Variants in BPTF observed in about 807,000 individuals in gnomAD.
BPTF encodes the protein bromodomain PHD finger transcription factor.
A neutral mutation model predicts 292.5 loss-of-function variants in BPTF; 18 were observed. That is an observed-to-expected ratio of 0.06 (90% CI 0.04 to 0.09). BPTF has a LOEUF of 0.09. Among genes scored for constraint, BPTF ranks in the 10% least tolerant of loss-of-function variants. BPTF has a pLI of 1.00. For synonymous variants in BPTF, 1,225 were observed against 1,251.9 expected (o/e 0.98, Z 0.45); for missense variants, 2,726 against 3,498.7 (o/e 0.78, Z 5.57).
At chr17:67,925,051 G>GTTTT (rs59056539) in intron 15 of BPTF, among the ~76,000 whole-genome samples, 2 of 126,132 alleles carry the variant, frequency 1.6e-5, no homozygotes, top group East Asian at 2.3e-4. Flanking sequence ...ACCCATCCAG[G>GTTTT]TTTTTTTTTT....
rs782686284 is a variant in BPTF, at chr17:67,959,576, A to G, written c.7962A>G (p.Glu2654=). The change falls in exon 24 of 28, where the codon GAA becomes GAG. Residue 2654 remains glutamate (E), a synonymous_variant. Coordinates refer to ENST00000306378, the MANE Select transcript of BPTF (RefSeq NM_182641.4). The part of the protein sequence containing the change: ...ELKRDLKIKK[E]KDLMQLAQAT... ...AGAGAGACCTGAAAATTAAGAAAGA[A>G]AAAGACCTGATGCAGTTGGCTCAGG... The G allele has an allele frequency of 5.2e-6, 8 of 1,531,856 alleles. No individual in the cohort carries two copies. The African/African-American group carries it at 1.1e-4, about 21-fold the overall frequency. The allele number at this position is 1,531,856 out of a possible 1,614,324, so 94.9% of individuals were successfully genotyped here.
At chr17:67,934,870 C>CAAA (rs569120237) in intron 18 of BPTF, among the ~76,000 whole-genome samples, 5,942 of 90,660 alleles carry the variant, frequency 0.066, 485 homozygotes, top group Non-Finnish European at 0.086. Context: ...AACTCTGTCT[C>CAAA]AAAAAAAAAA....
intron 1 of BPTF, among the ~76,000 whole-genome samples, chr17:67,836,764 T>A (rs1016817289): frequency 6.6e-6 from 1 of 152,238 alleles, no homozygotes; most frequent in African/African-American, 2.4e-5. Flanking sequence ...GCAAAATTAT[T>A]TCACACACTT....
Position 67,911,934 on chromosome 17 carries a change from G to T in BPTF, c.4050G>T (p.Pro1350=), listed in dbSNP as rs772759476. The change falls in exon 11 of 28, where the codon CCG becomes CCT. Residue 1350 remains proline, a synonymous_variant. Coordinates refer to ENST00000306378, the MANE Select transcript of BPTF (RefSeq NM_182641.4). ...ESTGNCEDRL[P]VKGTEANGKK... Reference sequence around the variant, plus strand: ...CTGGAAACTGTGAGGACAGGCTGCCGGTCAAGGGGACTGAAGCAAATGGTA... The same window carrying T: ...CTGGAAACTGTGAGGACAGGCTGCCTGTCAAGGGGACTGAAGCAAATGGTA... 1 of 1,614,018 alleles carries T rather than the reference G, an allele frequency of 6.2e-7. No individual in the cohort carries two copies. The highest frequency in any genetic ancestry group is 8.5e-7 in the Non-Finnish European group (1 of 1,180,020).
chr17:67,909,903 C>A, intron 10 of BPTF, 142 bp downstream of exon 10: 1 of 620,172 alleles, frequency 1.6e-6, no homozygotes, highest in African/African-American at 1.9e-5. Context: ...ACAATTCACC[C>A]AATTAAAGTG....
chr17:67,940,512 G>C lies in BPTF; in HGVS notation c.6333G>C (p.Thr2111=), dbSNP rs550599474. Residue 2111 remains threonine, a synonymous_variant, in exon 19 of 28, where the codon ACG becomes ACC. Transcript: ENST00000306378. ...CCACTGCAGTCTCCGCCCCTAACAC[G>C]GTTTCCTCAACACCTGGGCAGAAAA... is the stretch of plus-strand genomic sequence containing the variant. ...PVSTAVSAPN[T]VSSTPGQKSL... 7 of 1,613,994 alleles carry C rather than the reference G, an allele frequency of 4.3e-6. No individual in the cohort carries two copies. The highest frequency in any genetic ancestry group is 5.9e-6 in the Non-Finnish European group (7 of 1,180,004).
At chr17:67,844,058 C>G (rs944636606) in intron 1 of BPTF, among the ~76,000 whole-genome samples, 24 of 137,378 alleles carry the variant, frequency 1.7e-4, no homozygotes, top group African/African-American at 7.6e-4. Flanking sequence ...AGCCACCGTG[C>G]CCGGCCCCCG....
In BPTF at chr17:67,918,837, A is replaced by G; in HGVS notation, c.5427A>G (p.Thr1809=). The G allele has an allele frequency of 6.2e-7, 1 of 1,612,934 alleles. No individual in the cohort carries two copies. The highest frequency in any genetic ancestry group is 8.5e-7 in the Non-Finnish European group (1 of 1,179,184). The part of the protein sequence containing the change: ...KAPPGGGTTR[T]ETSETEITTT... ...CTCCAGGAGGAGGGACTACACGGAC[A>G]GGTAAGGGGGAAGGGAGTTATTTTC... The change falls in exon 12 of 28, where the codon ACA becomes ACG. Residue 1809 remains threonine (T), a splice_region_variant and synonymous_variant. Transcript: ENST00000306378.
Position 67,904,399 on chromosome 17 carries a change from A to G in BPTF, c.2674-303A>G, listed in dbSNP as rs1333362388. Among the ~76,000 whole-genome samples, 6 of 152,230 alleles carry G rather than the reference A, an allele frequency of 3.9e-5. No homozygotes were observed. In the South Asian group the frequency reaches 8.3e-4, roughly 21 times the overall value. On this transcript the variant is annotated intron_variant, in intron 8 of 27. Transcript: ENST00000306378. Reference sequence around the variant, plus strand: ...CATCTTCCTGGCAAATTTACAAAGCATTGGTTTATCTTAGAATATTGGAGG... The same window carrying G: ...CATCTTCCTGGCAAATTTACAAAGCGTTGGTTTATCTTAGAATATTGGAGG...
At chr17:67,871,220 A>G (rs893931962) in intron 3 of BPTF, among the ~76,000 whole-genome samples, 1 of 152,066 alleles carries the variant, frequency 6.6e-6, no homozygotes, top group Non-Finnish European at 1.5e-5. Context: ...AATGTACACA[A>G]AAGTTGAAAG....
chr17:67,851,166 T>C (rs2058373655), intron 1 of BPTF, among the ~76,000 whole-genome samples: 1 of 152,142 alleles, frequency 6.6e-6, no homozygotes, highest in Non-Finnish European at 1.5e-5. Flanking sequence ...TCTGGGACCC[T>C]AGCTCTTTTT....
intron 23 of BPTF, among the ~76,000 whole-genome samples, chr17:67,954,045 G>A (rs563085756): frequency 5.1e-5 from 6 of 118,386 alleles, no homozygotes; most frequent in East Asian, 5.0e-4. Context: ...GGAGTGCAGC[G>A]GTGCAATCAC....
chr17:67,931,162 G>A (rs1271775162), intron 17 of BPTF, among the ~76,000 whole-genome samples: 1 of 152,208 alleles, frequency 6.6e-6, no homozygotes, highest in African/African-American at 2.4e-5. Context: ...CTACTTGGGA[G>A]GCTGAGGCAG....
chr17:67,941,758 A>G (rs1343394690), intron 19 of BPTF, among the ~76,000 whole-genome samples: 1 of 152,226 alleles, frequency 6.6e-6, no homozygotes, highest in Non-Finnish European at 1.5e-5. Context: ...TAAAACTATA[A>G]TACCTTTAGA....
intron 23 of BPTF, among the ~76,000 whole-genome samples, chr17:67,950,247 T>G (rs2066218506): frequency 6.6e-6 from 1 of 150,760 alleles, no homozygotes; most frequent in Non-Finnish European, 1.5e-5. Context: ...GGCGACAGAG[T>G]GAGACTGTCC....
chr17:67,980,189 A>T (rs1455024886), intron 27 of BPTF, among the ~76,000 whole-genome samples: 2 of 152,164 alleles, frequency 1.3e-5, no homozygotes, highest in African/African-American at 4.8e-5. Context: ...TACTAAAAAT[A>T]CAAAAATTAG....
chr17:67,923,456 G>GTCCTCTCTC (rs1269190719), intron 14 of BPTF, among the ~76,000 whole-genome samples: 2 of 141,194 alleles, frequency 1.4e-5, no homozygotes, highest in South Asian at 2.4e-4. Flanking sequence ...GTTTAGTAAG[G>GTCCTCTCTC]TCCTCTCTCT....
intron 23 of BPTF, chr17:67,951,039 C>T (rs1362353664): frequency 6.6e-6 from 1 of 152,014 alleles, no homozygotes; most frequent in African/African-American, 2.4e-5. Context: ...GAACTCCTGG[C>T]CTCAAGTAAT....
At chr17:67,940,791 C>A in intron 19 of BPTF, 135 bp downstream of exon 19, 1 of 925,850 alleles carries the variant, frequency 1.1e-6, no homozygotes, top group Non-Finnish European at 1.6e-6. Context: ...TGGAGTCAAG[C>A]AGAAATACCT....
Sources: gnomAD v4.1 joint callset for allele counts (sites outside exome capture counted in the v4.1 genomes callset) on GRCh38, gnomAD v4.1.1 for gene constraint, MANE v1.5 for transcripts, NCBI Gene and HGNC (gene_info 2026-07-23, HGNC 2026-07-21) for gene names.